Variants in SUGCT observed in about 807,000 individuals in gnomAD.
SUGCT encodes succinyl-CoA:glutarate CoA-transferase.
Under a neutral mutation model 55.0 loss-of-function variants are expected in SUGCT, and 41 were observed. That is an observed-to-expected ratio of 0.74 (90% confidence interval 0.58 to 0.97). SUGCT has a LOEUF of 0.97. Ranked by LOEUF, SUGCT falls within the 50% of genes least tolerant of loss-of-function variation. The pLI, the probability that SUGCT is intolerant of heterozygous loss-of-function variation, is 0.00. For missense variants in SUGCT, 568 were observed against 547.8 expected (o/e 1.04, Z -0.37); for synonymous variants, 187 against 200.4 (o/e 0.93, Z 0.56).
intron 12 of SUGCT, among the ~76,000 whole-genome samples, chr7:40,707,093 G>A (rs186078146): frequency 5.3e-5 from 8 of 152,246 alleles, no homozygotes; most frequent in Admixed American, 1.3e-4. Flanking sequence ...ATTGCCCAAG[G>A]TAGAACTGTT....
At chr7:40,495,799 A>T (rs1256292441) in intron 11 of SUGCT, among the ~76,000 whole-genome samples, 1 of 152,168 alleles carries the variant, frequency 6.6e-6, no homozygotes, top group Non-Finnish European at 1.5e-5. Context: ...CACAGTGCAA[A>T]GGTTGTTTGT....
intron 12 of SUGCT, among the ~76,000 whole-genome samples, chr7:40,692,281 C>T (rs758459083): frequency 1.3e-5 from 2 of 152,124 alleles, no homozygotes; most frequent in Non-Finnish European, 2.9e-5. Flanking sequence ...TGCAGATACT[C>T]GGTTCTATAA....
rs944752665 is a variant in SUGCT at position 40,617,475 on chromosome 7, A to G, written c.1089+121089A>G. 3.6e-3 allele frequency among the ~76,000 whole-genome samples: 511 copies of G among 143,654 alleles called. 2 individuals are homozygous for G. The highest frequency in any genetic ancestry group is 0.012 in the African/African-American group (475 of 39,454). 94.2% of individuals were successfully genotyped at this position (143,654 alleles called of 152,430 possible). A position where few individuals can be genotyped will look rare whatever the true frequency, so the allele number is the denominator to read the frequency against. ...TTCTGATTCAACTGGTTAGATTTATATGTGTGTGTGTGTGTGTGTGTGTGT... is the reference window on the plus strand; with the variant it reads ...TTCTGATTCAACTGGTTAGATTTATGTGTGTGTGTGTGTGTGTGTGTGTGT... On this transcript the variant is annotated intron_variant, in intron 12 of 13. Coordinates refer to ENST00000335693, the MANE Select transcript of SUGCT (RefSeq NM_001193313.2).
chr7:41,021,748 T>C, the SUGCT span, among the ~76,000 whole-genome samples: 2 of 151,978 alleles, frequency 1.3e-5, no homozygotes, highest in African/African-American at 4.8e-5. Flanking sequence ...AAGAACAATC[T>C]AATTAACCAA....
intron 8 of SUGCT, among the ~76,000 whole-genome samples, chr7:40,307,602 A>T (rs1214708773): frequency 6.6e-6 from 1 of 152,190 alleles, no homozygotes. Flanking sequence ...CCATAAAATT[A>T]TGATGAGGTA....
intron 3 of SUGCT, among the ~76,000 whole-genome samples, chr7:40,183,274 AAAAC>A (rs888770110): frequency 3.9e-5 from 6 of 152,312 alleles, no homozygotes; most frequent in South Asian, 2.1e-4. Context: ...CCCTGTCTCA[AAAAC>A]AAACAAACAA....
chr7:40,336,961 T>C (rs1388309323), intron 9 of SUGCT, among the ~76,000 whole-genome samples: 11 of 152,320 alleles, frequency 7.2e-5, no homozygotes, highest in East Asian at 1.9e-4. Flanking sequence ...TTTGTTCTCA[T>C]TGGTTTCAAA....
At chr7:40,318,786 A>G (rs1167199707) in intron 9 of SUGCT, among the ~76,000 whole-genome samples, 3 of 152,218 alleles carry the variant, frequency 2.0e-5, no homozygotes, top group Non-Finnish European at 4.4e-5. Context: ...GAGTTGGAAG[A>G]TTCTCTAGTG....
chr7:40,160,969 C>T (rs924877614), intron 1 of SUGCT, among the ~76,000 whole-genome samples: 3 of 151,874 alleles, frequency 2.0e-5, no homozygotes, highest in African/African-American at 4.8e-5. Context: ...TTTTGGTGGA[C>T]GGTTTGATAA....
chr7:40,859,195 T>C (rs781085144), intron 13 of SUGCT, among the ~76,000 whole-genome samples: 23 of 152,218 alleles, frequency 1.5e-4, no homozygotes, highest in Non-Finnish European at 2.9e-4. Context: ...CCAACATAAA[T>C]ACCACTTACT....
Position 40,749,483 on chromosome 7 carries a change from A to C in SUGCT, c.1139A>C (p.Lys380Thr). The C allele has an allele frequency of 6.2e-7, 1 of 1,613,684 alleles. No homozygotes were observed. Among genetic ancestry groups the C allele is most frequent in the Non-Finnish European group, 8.5e-7 (1 of 1,179,612 alleles). ...GAGATGGAGCATCCAACTGTGGGGA[A>C]GATTTCCGTCCCAGGTCTGAAAAGT... is the stretch of plus-strand genomic sequence containing the variant. ...VMEMEHPTVG[K>T]ISVPGPAVRY... The change falls in exon 13 of 14, where the codon AAG becomes ACG. Residue 380 changes from lysine (K) to threonine (T), a missense_variant. By Grantham distance (78) the Lys-to-Thr change is moderately conservative. Coordinates refer to ENST00000335693, the MANE Select transcript of SUGCT (RefSeq NM_001193313.2).
chr7:40,201,369 GAATA>G lies in SUGCT; in HGVS notation c.484+6315_484+6318del, dbSNP rs568041825. Among the ~76,000 whole-genome samples the G allele has an allele frequency of 3.7e-4, 56 of 152,240 alleles. 1 individual carries two copies. The Middle Eastern group carries it at 0.01, about 28-fold the overall frequency. ...CTGCATTAAGTATCATTTTTAGACT[GAATA>G]AATAATCAATATGGAGATGATAGTT... is the stretch of plus-strand genomic sequence containing the variant. On this transcript the variant is annotated intron_variant, in intron 6 of 13. Coordinates refer to ENST00000335693, the MANE Select transcript of SUGCT (RefSeq NM_001193313.2).
intron 13 of SUGCT, among the ~76,000 whole-genome samples, chr7:40,859,666 G>T (rs543915479): frequency 6.6e-6 from 1 of 152,208 alleles, no homozygotes; most frequent in Non-Finnish European, 1.5e-5. Context: ...CCTGAAGTCT[G>T]TATAGTAAAC....
At chr7:40,349,059 C>T (rs1203415105) in intron 9 of SUGCT, among the ~76,000 whole-genome samples, 1 of 152,150 alleles carries the variant, frequency 6.6e-6, no homozygotes, top group Non-Finnish European at 1.5e-5. Context: ...GTCTTTTCCA[C>T]CCTCCTTCTG....
At chr7:40,903,793 A>G in the SUGCT span, among the ~76,000 whole-genome samples, 1 of 147,780 alleles carries the variant, frequency 6.8e-6, no homozygotes, top group Non-Finnish European at 1.5e-5. Flanking sequence ...CCTCCTACCA[A>G]AAAGAAAGAT....
chr7:40,842,015 T>G (rs1921755), intron 13 of SUGCT, among the ~76,000 whole-genome samples: 53,376 of 152,074 alleles, frequency 0.35, 10,221 homozygotes, highest in East Asian at 0.82. Flanking sequence ...TAATTCAAAA[T>G]ATACTGGGAA....
Position 40,683,951 on chromosome 7 carries a change from T to A in SUGCT, c.1090-65483T>A, listed in dbSNP as rs1562944483. 2.0e-6 allele frequency: 3 copies of A among 1,500,396 alleles called. No homozygotes were observed. In the East Asian group the frequency reaches 7.4e-5, roughly 37 times the overall value. 92.9% of individuals were successfully genotyped at this position (1,500,396 alleles called of 1,614,324 possible). A position where few individuals can be genotyped will look rare whatever the true frequency, so the allele number is the denominator to read the frequency against. On this transcript the variant is annotated intron_variant, in intron 12 of 13. Coordinates refer to ENST00000335693, the MANE Select transcript of SUGCT (RefSeq NM_001193313.2). ...TGGCAGATGTATTCCTTTCTGGAGG[T>A]TTTGGGGGAAAAGCCATTTCCTTGA...
chr7:40,366,923 C>T (rs1041692544), intron 9 of SUGCT, among the ~76,000 whole-genome samples: 4 of 152,116 alleles, frequency 2.6e-5, no homozygotes, highest in Non-Finnish European at 4.4e-5. Context: ...GGGTATATAC[C>T]CGAAGGACTA....
intron 13 of SUGCT, chr7:40,782,814 G>A (rs1410429169): frequency 1.3e-5 from 2 of 152,106 alleles, no homozygotes; most frequent in African/African-American, 2.4e-5. Flanking sequence ...AGAGGAACAC[G>A]GTTATTTCAA....
Sources: gnomAD v4.1 joint callset for allele counts (sites outside exome capture counted in the v4.1 genomes callset) on GRCh38, gnomAD v4.1.1 for gene constraint, MANE v1.5 for transcripts, NCBI Gene and HGNC (gene_info 2026-07-23, HGNC 2026-07-21) for gene names.